The following MACROD2 variants were observed in gnomAD, a reference collection of about 807,000 sequenced individuals.
The protein encoded by MACROD2 is ADP-ribose glycohydrolase MACROD2.
MACROD2 carries 36 observed loss-of-function variants against 70.4 expected under a neutral mutation model. The ratio of observed to expected loss-of-function variants is 0.51; its 90% confidence interval spans 0.39 to 0.68. The LOEUF is 0.68. MACROD2 is among the 30% of genes least tolerant of loss of function. MACROD2 has a pLI of 0.00. For missense variants in MACROD2, 496 were observed against 538.4 expected (o/e 0.92, Z 0.78); for synonymous variants, 172 against 178.8 (o/e 0.96, Z 0.30).
At chr20:14,553,470 A>G (rs1475980293) in intron 4 of MACROD2, among the ~76,000 whole-genome samples, 1 of 146,076 alleles carries the variant, frequency 6.8e-6, no homozygotes, top group Non-Finnish European at 1.5e-5. Flanking sequence ...AATCAATAGT[A>G]TGGTAGATAC....
chr20:15,461,006 A>ATATATATATATATTTTTTTTTTTT, intron 7 of MACROD2, among the ~76,000 whole-genome samples: 2 of 66,990 alleles, frequency 3.0e-5, no homozygotes, highest in African/African-American at 4.2e-5. Context: ...ATATATATAT[A>ATATATATATATATTTTTTTTTTTT]TTTTTTTTTA....
At chr20:15,841,920 A>G (rs2064174947) in intron 8 of MACROD2, among the ~76,000 whole-genome samples, 2 of 152,136 alleles carry the variant, frequency 1.3e-5, no homozygotes, top group Non-Finnish European at 2.9e-5. Flanking sequence ...CTTATATAGT[A>G]ATGGGACTTG....
chr20:14,170,151 C>A (rs2091832579), intron 3 of MACROD2, among the ~76,000 whole-genome samples: 1 of 152,196 alleles, frequency 6.6e-6, no homozygotes, highest in Admixed American at 6.5e-5. Flanking sequence ...CTTGGCCTCC[C>A]AAAGTGCCGG....
intron 3 of MACROD2, among the ~76,000 whole-genome samples, chr20:14,341,403 C>T (rs1242581318): frequency 1.3e-4 from 19 of 151,994 alleles, no homozygotes; most frequent in African/African-American, 2.7e-4. Flanking sequence ...TTTGGGAGGC[C>T]GAGGCGGGAG....
At chr20:15,095,126 G>T (rs1212068267) in intron 5 of MACROD2, among the ~76,000 whole-genome samples, 85 of 141,414 alleles carry the variant, frequency 6.0e-4, no homozygotes, top group African/African-American at 2.2e-3. Context: ...GTCCAGGCTG[G>T]AGTGCAGTGA....
intron 8 of MACROD2, among the ~76,000 whole-genome samples, chr20:15,734,676 C>G (rs1211450868): frequency 6.6e-6 from 1 of 152,116 alleles, no homozygotes; most frequent in African/African-American, 2.4e-5. Context: ...TGCCTTTTAC[C>G]TATTTCTTGT....
chr20:14,069,100 C>T (rs1343023351), intron 2 of MACROD2, among the ~76,000 whole-genome samples: 1 of 152,166 alleles, frequency 6.6e-6, no homozygotes, highest in African/African-American at 2.4e-5. Flanking sequence ...AGGCCCCCGC[C>T]ATCGTGCTCA....
At position 16,050,973 on chromosome 20, in the gene MACROD2, C is replaced by G. The variant is rs144159295; in HGVS notation, c.*1097C>G. 7 of 152,346 alleles carry G rather than the reference C, an allele frequency of 4.6e-5. No homozygotes were observed. Among genetic ancestry groups the G allele is most frequent in the Non-Finnish European group, 1.0e-4 (7 of 68,088 alleles). The allele number at this position is 152,346 out of a possible 1,614,324, so 9.4% of individuals were successfully genotyped here. On this transcript the variant is annotated 3_prime_UTR_variant, in exon 18 of 18. Transcript: ENST00000684519. ...TGGTTGGTCCCCTCACCCAGAAAACCCTGAAGGGGAGGATACAGCTCTGAA... is the reference window on the plus strand; with the variant it reads ...TGGTTGGTCCCCTCACCCAGAAAACGCTGAAGGGGAGGATACAGCTCTGAA...
At chr20:15,655,064 T>G (rs2049706866) in intron 8 of MACROD2, among the ~76,000 whole-genome samples, 1 of 152,034 alleles carries the variant, frequency 6.6e-6, no homozygotes, top group Non-Finnish European at 1.5e-5. Context: ...TGGCATGAGG[T>G]CAGATAAAGT....
At position 14,326,359 on chromosome 20, in the gene MACROD2, G is replaced by A. The variant is rs76061726; in HGVS notation, c.272-167120G>A. On this transcript the variant is annotated intron_variant, in intron 3 of 17. Coordinates refer to ENST00000684519, the MANE Select transcript of MACROD2 (RefSeq NM_001351661.2). This position sits in a 1 kb window ranked among gnomAD's most constrained non-coding sequence, Gnocchi z 5.5. ...AATATCTGGCTGTTTGGTCACTGGA[G>A]CTGGCCACTGTCCTTGGGCAGGATA... 1 of 1,613,938 alleles carries A rather than the reference G, an allele frequency of 6.2e-7. No homozygotes were observed. Among genetic ancestry groups the A allele is most frequent in the Non-Finnish European group, 8.5e-7 (1 of 1,179,888 alleles).
intron 8 of MACROD2, among the ~76,000 whole-genome samples, chr20:15,786,167 A>T (rs994534379): frequency 6.6e-5 from 10 of 151,866 alleles, no homozygotes; most frequent in Admixed American, 1.3e-4. Flanking sequence ...ATATTAAAAA[A>T]AAAAAACCCA....
chr20:15,466,016 A>G (rs796698888), intron 7 of MACROD2, among the ~76,000 whole-genome samples: 13 of 152,276 alleles, frequency 8.5e-5, no homozygotes, highest in African/African-American at 2.6e-4. Context: ...CAAGTAAGTG[A>G]CATATTTTGT....
chr20:15,033,567 T>C (rs915828294), intron 5 of MACROD2, among the ~76,000 whole-genome samples: 2 of 152,232 alleles, frequency 1.3e-5, no homozygotes, highest in African/African-American at 2.4e-5. Context: ...CTCTAAAATC[T>C]GAACTGAAAT....
At chr20:15,679,861 C>A (rs1039491167) in intron 8 of MACROD2, among the ~76,000 whole-genome samples, 13 of 152,196 alleles carry the variant, frequency 8.5e-5, no homozygotes, top group Non-Finnish European at 1.6e-4. Flanking sequence ...ATCTGAATTC[C>A]AGACCTGCAG....
chr20:14,983,314 G>T (rs1200622964), intron 5 of MACROD2, among the ~76,000 whole-genome samples: 1 of 152,164 alleles, frequency 6.6e-6, no homozygotes, highest in African/African-American at 2.4e-5. Context: ...GGACTTTTGG[G>T]TTAATGCGGA....
chr20:14,083,922 C>T (rs2054035599), intron 2 of MACROD2, among the ~76,000 whole-genome samples: 1 of 151,684 alleles, frequency 6.6e-6, no homozygotes, highest in Admixed American at 6.6e-5. Flanking sequence ...CTAGCCGGGC[C>T]TGGTGGCGGG....
At chr20:15,894,692 ACTGGCCTGGCC>A (rs2147227786) in intron 10 of MACROD2, among the ~76,000 whole-genome samples, 1 of 152,362 alleles carries the variant, frequency 6.6e-6, no homozygotes, top group African/African-American at 2.4e-5. Context: ...CTGGCCTAGC[ACTGGCCTGGCC>A]TTCTGTCAGT....
At chr20:15,138,658 C>T (rs1159541112) in intron 5 of MACROD2, among the ~76,000 whole-genome samples, 1 of 152,102 alleles carries the variant, frequency 6.6e-6, no homozygotes, top group Non-Finnish European at 1.5e-5. Flanking sequence ...GGGTGCTCTG[C>T]CAGCTTGGCA....
At chr20:14,340,379 A>G (rs1398044732) in intron 3 of MACROD2, among the ~76,000 whole-genome samples, 2 of 152,198 alleles carry the variant, frequency 1.3e-5, no homozygotes, top group South Asian at 2.1e-4. Context: ...TAAGTGCTCA[A>G]TAAGACGATA....
Sources: gnomAD v4.1 joint callset for allele counts (sites outside exome capture counted in the v4.1 genomes callset) on GRCh38, gnomAD v4.1.1 for gene constraint, Gnocchi (gnomAD v3.1) non-coding constraint, MANE v1.5 for transcripts, NCBI Gene and HGNC (gene_info 2026-07-23, HGNC 2026-07-21) for gene names.